Variants in HADHB observed in about 807,000 individuals in gnomAD.
HADHB encodes the protein trifunctional enzyme subunit beta, mitochondrial.
Under a neutral mutation model 61.9 loss-of-function variants are expected in HADHB, and 50 were observed. The observed-to-expected ratio is 0.81, with a 90% CI of 0.64 to 1.02. The LOEUF (loss-of-function observed/expected upper bound fraction) is 1.02. Ranked by LOEUF, HADHB falls within the 50% of genes least tolerant of loss-of-function variation. The probability of loss-of-function intolerance (pLI) is 0.00; values close to 1 mark genes in which losing one functional copy is unlikely to be tolerated. For missense variants in HADHB, 504 were observed against 586.5 expected (o/e 0.86, Z 1.45); for synonymous variants, 191 against 201.6 (o/e 0.95, Z 0.45).
chr2:26,284,540 G>A (rs893522074), intron 13 of HADHB, among the ~76,000 whole-genome samples: 1 of 149,778 alleles, frequency 6.7e-6, no homozygotes, highest in Non-Finnish European at 1.5e-5. Context: ...TCGGCTCACT[G>A]CAACCTCCGC....
chr2:26,250,757 A>G (rs1671366419), intron 1 of HADHB, among the ~76,000 whole-genome samples: 1 of 151,512 alleles, frequency 6.6e-6, no homozygotes, highest in African/African-American at 2.4e-5. Flanking sequence ...GGAGTTCCAG[A>G]TTGCAGTGAC....
At chr2:26,257,453 C>CA (rs1671674326) in intron 3 of HADHB, among the ~76,000 whole-genome samples, 2 of 152,098 alleles carry the variant, frequency 1.3e-5, no homozygotes, top group South Asian at 4.1e-4. Context: ...TTGCCTAAGA[C>CA]AGGGTCCCAT....
chr2:26,276,508 G>A lies in HADHB; in HGVS notation c.355-565G>A, dbSNP rs554314175. 2.0e-4 allele frequency among the ~76,000 whole-genome samples: 30 copies of A among 152,320 alleles called. 1 individual carries two copies. In the South Asian group the frequency reaches 5.8e-3, roughly 29 times the overall value. ...GACGGTCAGTAAGAGAAACCAGCTG[G>A]CAGTGAGCAGAAAGATAGGTGTAAA... On this transcript the variant is annotated intron_variant, in intron 6 of 15. Transcript: ENST00000317799.
chr2:26,259,613 C>A lies in HADHB; in HGVS notation c.110-3767C>A, dbSNP rs11694591. ...GACCTTTTAGAAGGCCTGCATCTTT[C>A]CCTATAGTTTCTCCCACCACTCCGA... On this transcript the variant is annotated intron_variant, in intron 3 of 15. Transcript: ENST00000317799. Among the ~76,000 whole-genome samples the A allele has an allele frequency of 1.2e-3, 187 of 152,322 alleles. 1 individual carries two copies. Among genetic ancestry groups the A allele is most frequent in the Non-Finnish European group, 2.3e-3 (156 of 68,032 alleles).
rs1294701193 is a variant in HADHB at position 26,277,158 on chromosome 2, C to G, written c.440C>G (p.Thr147Arg). 2.0e-6 allele frequency: 3 copies of G among 1,487,182 alleles called. No individual in the cohort carries two copies. The highest frequency in any genetic ancestry group is 2.8e-6 in the Non-Finnish European group (3 of 1,064,312). 92.1% of individuals were successfully genotyped at this position (1,487,182 alleles called of 1,614,324 possible). The change falls in exon 7 of 16, where the codon ACA becomes AGA. Residue 147 changes from threonine (T) to arginine (R), a missense_variant and splice_region_variant. Thr to Arg is a moderately conservative substitution (Grantham distance 71). Transcript: ENST00000317799. ...ATCTCTGCCAACCAAGCCATGACCA[C>G]AGGTATGTTTAAATGGAAACAGACA... ...ACISANQAMTTGVGLIASGQC... is the reference protein window; with the variant it reads ...ACISANQAMTRGVGLIASGQC...
At chr2:26,286,027 C>T (rs1340623775) in intron 15 of HADHB, among the ~76,000 whole-genome samples, 1 of 151,854 alleles carries the variant, frequency 6.6e-6, no homozygotes, top group Non-Finnish European at 1.5e-5. Context: ...CATGAGCCAC[C>T]ATGCCCTGCC....
chr2:26,277,024 T>C, intron 6 of HADHB, 49 bp from the exon 7 acceptor site: 1 of 900,064 alleles, frequency 1.1e-6, no homozygotes, highest in Non-Finnish European at 1.9e-6. Context: ...ATCATTTACA[T>C]GATGCCCTTC....
At chr2:26,267,137 C>CTGACTTAAAAATAAAGA (rs1260426594) in intron 4 of HADHB, among the ~76,000 whole-genome samples, 2 of 151,944 alleles carry the variant, frequency 1.3e-5, no homozygotes, top group Admixed American at 1.3e-4. Context: ...GATTAAATCT[C>CTGACTTAAAAATAAAGA]TGACTTAAAA....
chr2:26,278,952 G>A (rs1044840905), intron 8 of HADHB, 151 bp downstream of exon 8: 1 of 964,720 alleles, frequency 1.0e-6, no homozygotes, highest in Admixed American at 1.9e-5. Context: ...ATAGTGGTTA[G>A]AAAACTTTAA....
intron 4 of HADHB, among the ~76,000 whole-genome samples, chr2:26,265,785 G>A (rs1351189193): frequency 6.6e-6 from 1 of 152,156 alleles, no homozygotes; most frequent in Non-Finnish European, 1.5e-5. Flanking sequence ...TGGTTCATGA[G>A]CAATCTAGTG....
intron 1 of HADHB, among the ~76,000 whole-genome samples, chr2:26,253,974 T>G (rs1671510165): frequency 1.3e-5 from 2 of 152,160 alleles, no homozygotes; most frequent in South Asian, 4.1e-4. Flanking sequence ...TGCCTCAATT[T>G]CCTTATCTCT....
chr2:26,270,015 C>T lies in HADHB; in HGVS notation c.254+18C>T. On this transcript the variant is annotated intron_variant, in intron 5 of 15. Coordinates refer to ENST00000317799, the MANE Select transcript of HADHB (RefSeq NM_000183.3). ...GCGCTTACGTAAGTAAATGCAGTTT[C>T]ATTTCCGTTCTTATTTCATTAAAGG... 1.3e-6 allele frequency: 2 copies of T among 1,541,714 alleles called. No individual in the cohort carries two copies. Among genetic ancestry groups the T allele is most frequent in the Non-Finnish European group, 9.0e-7 (1 of 1,114,142 alleles).
intron 1 of HADHB, 187 bp downstream of exon 1, chr2:26,245,177 A>G (rs1187508204): frequency 2.7e-5 from 5 of 187,416 alleles, no homozygotes; most frequent in Non-Finnish European, 4.6e-5. Flanking sequence ...AGTGACTTGG[A>G]CTAGCGTTCC....
At chr2:26,260,793 C>G (rs1219201604) in intron 3 of HADHB, 1 of 563,840 alleles carries the variant, frequency 1.8e-6, no homozygotes, top group Non-Finnish European at 3.2e-6. Flanking sequence ...GTCTCACACA[C>G]CACATGGTAT....
chr2:26,266,871 C>CAAAAAAAAAA (rs56401595), intron 4 of HADHB, among the ~76,000 whole-genome samples: 11,916 of 45,074 alleles, frequency 0.26, 3,214 homozygotes, highest in Non-Finnish European at 0.33. Context: ...CACTCTCTCT[C>CAAAAAAAAAA]AAAAAAAAAA....
intron 5 of HADHB, among the ~76,000 whole-genome samples, chr2:26,272,853 G>A (rs566782572): frequency 6.6e-6 from 1 of 152,144 alleles, no homozygotes; most frequent in South Asian, 2.1e-4. Flanking sequence ...GGAGGCCAAG[G>A]CTGGTGGATC....
At chr2:26,267,796 A>G (rs1643568852) in intron 4 of HADHB, among the ~76,000 whole-genome samples, 1 of 151,804 alleles carries the variant, frequency 6.6e-6, no homozygotes, top group African/African-American at 2.4e-5. Context: ...AAAAGAGTAA[A>G]TAAATGAGAA....
intron 7 of HADHB, among the ~76,000 whole-genome samples, 182 bp downstream of exon 7, chr2:26,277,342 A>C (rs377457193): frequency 6.7e-6 from 1 of 149,788 alleles, no homozygotes; most frequent in African/African-American, 2.5e-5. Context: ...AGCTCAAGAG[A>C]TCATCCTGCC....
chr2:26,275,921 G>T (rs142436742), intron 6 of HADHB, among the ~76,000 whole-genome samples: 6 of 152,250 alleles, frequency 3.9e-5, no homozygotes, highest in Admixed American at 1.3e-4. Flanking sequence ...GTGTTCTGAG[G>T]ATAATTAATA....
Sources: allele counts gnomAD v4.1 joint callset (sites outside exome capture counted in the v4.1 genomes callset), GRCh38; gene constraint gnomAD v4.1.1; transcripts MANE v1.5; gene names NCBI Gene and HGNC (gene_info 2026-07-23, HGNC 2026-07-21).